SHISAL2A: variants seen among roughly 807,000 people sequenced by gnomAD.
SHISAL2A encodes the protein shisa like 2A.
In SHISAL2A, 18 loss-of-function variants were observed where a neutral mutation model predicts 11.5. That is an observed-to-expected ratio of 1.57 (90% CI 1.08 to 2.33). SHISAL2A has a LOEUF of 2.33. Among genes scored for constraint, SHISAL2A ranks in the 30% most tolerant of loss-of-function variants. The pLI, the probability that SHISAL2A is intolerant of heterozygous loss-of-function variation, is 0.00. For synonymous variants in SHISAL2A, 94 were observed against 99.6 expected (o/e 0.94, Z 0.34); for missense variants, 261 against 250.9 (o/e 1.04, Z -0.27).
At chr1:52,649,554 A>G (rs1484837134) in intron 2 of SHISAL2A, among the ~76,000 whole-genome samples, 2 of 152,176 alleles carry the variant, frequency 1.3e-5, no homozygotes, top group Non-Finnish European at 1.5e-5. Flanking sequence ...CATCACCGTC[A>G]CACCCATCCC....
chr1:52,639,526 G>A (rs1169610250), intron 1 of SHISAL2A, among the ~76,000 whole-genome samples: 1 of 152,096 alleles, frequency 6.6e-6, no homozygotes, highest in African/African-American at 2.4e-5. Flanking sequence ...GGCCGAGGCG[G>A]GCGGATCACG....
chr1:52,639,125 A>C (rs1691301813), intron 1 of SHISAL2A, among the ~76,000 whole-genome samples: 1 of 151,984 alleles, frequency 6.6e-6, no homozygotes, highest in African/African-American at 2.4e-5. Flanking sequence ...GTGAGCCATG[A>C]TGGTGCCACT....
At position 52,633,767 on chromosome 1, in the gene SHISAL2A, A is replaced by T; in HGVS notation, c.182+92A>T. ...AGCCCCCACCCGAGTGTCCACCTGA[A>T]CATCAGCAGCAAGCTCTAGTCCTTA... On this transcript the variant is annotated intron_variant, in intron 1 of 2. Coordinates refer to ENST00000517870, the MANE Select transcript of SHISAL2A (RefSeq NM_001042693.3). The surrounding 1 kb of genome is among the most constrained non-coding windows in gnomAD (Gnocchi z 6.4). 2 of 1,051,998 alleles carry T rather than the reference A, an allele frequency of 1.9e-6. No homozygotes were observed. Among genetic ancestry groups the T allele is most frequent in the Admixed American group, 4.6e-5 (2 of 43,408 alleles). 65.2% of individuals were successfully genotyped at this position (1,051,998 alleles called of 1,614,324 possible). A position where few individuals can be genotyped will look rare whatever the true frequency, so the allele number is the denominator to read the frequency against.
intron 1 of SHISAL2A, among the ~76,000 whole-genome samples, chr1:52,637,415 T>C (rs571857295): frequency 6.6e-6 from 1 of 152,292 alleles, no homozygotes; most frequent in South Asian, 2.1e-4. Context: ...CCTTAAAAAC[T>C]TCAAAATCTC....
chr1:52,659,999 A>C (rs1015072019), downstream of SHISAL2A, among the ~76,000 whole-genome samples: 2 of 152,160 alleles, frequency 1.3e-5, no homozygotes, highest in African/African-American at 4.8e-5. Context: ...AGCTGTGTGG[A>C]GGGCTTGTTA....
At chr1:52,658,775 G>A (rs1373282160), downstream of SHISAL2A, among the ~76,000 whole-genome samples, 7 of 152,218 alleles carry the variant, frequency 4.6e-5, no homozygotes, top group South Asian at 6.2e-4. Flanking sequence ...CTTCGCCTTC[G>A]GAATGCAAGA....
chr1:52,657,484 G>A (rs1691815736), downstream of SHISAL2A, among the ~76,000 whole-genome samples: 1 of 152,166 alleles, frequency 6.6e-6, no homozygotes, highest in Non-Finnish European at 1.5e-5. Context: ...GGGACGGATA[G>A]AGAGGGAGTA....
chr1:52,657,719 G>A (rs1691820990), downstream of SHISAL2A, among the ~76,000 whole-genome samples: 1 of 152,140 alleles, frequency 6.6e-6, no homozygotes, highest in Non-Finnish European at 1.5e-5. Context: ...GCCACATGTG[G>A]TGGCTTATAC....
chr1:52,653,802 A>G (rs1220545747), intron 2 of SHISAL2A, among the ~76,000 whole-genome samples: 1 of 152,018 alleles, frequency 6.6e-6, no homozygotes, highest in Non-Finnish European at 1.5e-5. Context: ...ACAATGGCAC[A>G]ATCTAGCCTC....
intron 1 of SHISAL2A, among the ~76,000 whole-genome samples, chr1:52,638,259 A>G (rs1691280757): frequency 6.6e-6 from 1 of 152,120 alleles, no homozygotes; most frequent in African/African-American, 2.4e-5. Context: ...AGACAGGGAC[A>G]AACAAAACTC....
chr1:52,650,949 CT>C (rs779523487), intron 2 of SHISAL2A, among the ~76,000 whole-genome samples: 335 of 138,078 alleles, frequency 2.4e-3, no homozygotes, highest in Middle Eastern at 3.9e-3. Flanking sequence ...CTGGCCTAAC[CT>C]TTTTTTTTTT....
chr1:52,638,958 G>C (rs1350296735), intron 1 of SHISAL2A, among the ~76,000 whole-genome samples: 8 of 152,186 alleles, frequency 5.3e-5, no homozygotes, highest in African/African-American at 1.9e-4. Context: ...GATTGCTTGA[G>C]CCTAAGAGTT....
intron 2 of SHISAL2A, among the ~76,000 whole-genome samples, chr1:52,655,869 C>T (rs1299952429): frequency 1.3e-5 from 2 of 152,122 alleles, no homozygotes; most frequent in Non-Finnish European, 2.9e-5. Flanking sequence ...GAGGGGCCCC[C>T]ACTGGAGGCC....
downstream of SHISAL2A, among the ~76,000 whole-genome samples, chr1:52,661,737 T>C (rs1296073257): frequency 6.6e-6 from 1 of 152,038 alleles, no homozygotes; most frequent in African/African-American, 2.4e-5. Context: ...GACAAGCCCT[T>C]AGAATAGAAT....
chr1:52,651,265 T>C (rs1019695696), intron 2 of SHISAL2A, among the ~76,000 whole-genome samples: 1 of 152,018 alleles, frequency 6.6e-6, no homozygotes, highest in African/African-American at 2.4e-5. Context: ...TGAGACGGAG[T>C]CTCGCTCTGT....
At chr1:52,634,987 A>G (rs1691208644) in intron 1 of SHISAL2A, among the ~76,000 whole-genome samples, 1 of 152,218 alleles carries the variant, frequency 6.6e-6, no homozygotes, top group African/African-American at 2.4e-5. Flanking sequence ...ACAATTCTAA[A>G]TGATTTTCAG....
chr1:52,669,573 C>T (rs778285119), exon 6 of SHISAL2A: 1 of 149,510 alleles, frequency 6.7e-6, no homozygotes, highest in African/African-American at 2.5e-5. Flanking sequence ...GGCTGAGACA[C>T]GAGAATCACT....
rs1691800802 is a variant in SHISAL2A, at chr1:52,656,837, G to A, written c.370G>A (p.Ala124Thr). 1 of 1,613,944 alleles carries A rather than the reference G, an allele frequency of 6.2e-7. No homozygotes were observed. Among genetic ancestry groups the A allele is most frequent in the African/African-American group, 1.3e-5 (1 of 74,902 alleles). ...CTGCCAAGGTGTGAACACAGGCATGGCGGCAGAAGTGCCAAAAGTGAGCCC... is the reference window on the plus strand; with the variant it reads ...CTGCCAAGGTGTGAACACAGGCATGACGGCAGAAGTGCCAAAAGTGAGCCC... ...PDCQGVNTGMAAEVPKVSPLQ... is the reference protein window; with the variant it reads ...PDCQGVNTGMTAEVPKVSPLQ... Residue 124 changes from alanine to threonine, a missense_variant, in exon 3 of 3, where the codon GCG becomes ACG. Physicochemically the swap from Ala to Thr is moderately conservative, Grantham distance 58. Coordinates refer to ENST00000517870, the MANE Select transcript of SHISAL2A (RefSeq NM_001042693.3).
In SHISAL2A at chr1:52,633,577, G is replaced by A. The variant is rs1284830787; in HGVS notation, c.84G>A (p.Ala28=). The A allele has an allele frequency of 6.2e-7, 1 of 1,611,496 alleles. No homozygotes were observed. The highest frequency in any genetic ancestry group is 1.1e-5 in the South Asian group (1 of 90,938). ...GFSCPRPGGE[A]AAVFCCGFRD... is the part of the protein sequence containing the mutation. Reference sequence around the variant, plus strand: ...GCTGCCCGCGGCCGGGGGGCGAGGCGGCCGCTGTCTTCTGCTGCGGCTTCC... The same window carrying A: ...GCTGCCCGCGGCCGGGGGGCGAGGCAGCCGCTGTCTTCTGCTGCGGCTTCC... The change falls in exon 1 of 3, where the codon GCG becomes GCA. Residue 28 remains alanine (A), a synonymous_variant. Coordinates refer to ENST00000517870, the MANE Select transcript of SHISAL2A (RefSeq NM_001042693.3). The surrounding 1 kb of genome is among the most constrained non-coding windows in gnomAD (Gnocchi z 6.4).
Sources: allele counts gnomAD v4.1 joint callset (sites outside exome capture counted in the v4.1 genomes callset), GRCh38; gene constraint gnomAD v4.1.1; non-coding constraint Gnocchi (gnomAD v3.1); transcripts MANE v1.5; gene names NCBI Gene and HGNC (gene_info 2026-07-23, HGNC 2026-07-21).